SHANK2: variants seen among roughly 807,000 people sequenced by gnomAD.
SHANK2 encodes SH3 and multiple ankyrin repeat domains protein 2.
SHANK2 carries 43 observed loss-of-function variants against 133.7 expected under a neutral mutation model. The ratio of observed to expected loss-of-function variants is 0.32; its 90% CI spans 0.25 to 0.41. The LOEUF is 0.41. Ranked by LOEUF, SHANK2 falls within the 10% of genes least tolerant of loss-of-function variation. The probability of loss-of-function intolerance (pLI) is 1.00; values close to 1 mark genes in which losing one functional copy is unlikely to be tolerated. For missense variants in SHANK2, 1,994 were observed against 2,235.8 expected, an observed-to-expected ratio of 0.89 and a Z score of 2.18; for synonymous variants, 1,017 against 952.8, an observed-to-expected ratio of 1.07 and a Z score of -1.24.
chr11:70,805,179 T>C (rs1430382373), intron 13 of SHANK2, among the ~76,000 whole-genome samples: 1 of 152,014 alleles, frequency 6.6e-6, no homozygotes, highest in Admixed American at 6.5e-5. Context: ...ACCCCAGCCT[T>C]CTCCTTGGGC....
At chr11:70,528,410 G>A (rs1229415711) in intron 17 of SHANK2, among the ~76,000 whole-genome samples, 1 of 152,196 alleles carries the variant, frequency 6.6e-6, no homozygotes, top group African/African-American at 2.4e-5. Flanking sequence ...TGGGACCCTG[G>A]AAAGGGGCTC....
intron 17 of SHANK2, among the ~76,000 whole-genome samples, chr11:70,531,860 T>C (rs1047786837): frequency 6.6e-6 from 1 of 152,110 alleles, no homozygotes; most frequent in African/African-American, 2.4e-5. Context: ...ATACATTTCT[T>C]TCCTGCCTCG....
chr11:70,737,638 A>G (rs929919481), intron 14 of SHANK2, among the ~76,000 whole-genome samples: 1 of 152,166 alleles, frequency 6.6e-6, no homozygotes, highest in Non-Finnish European at 1.5e-5. Flanking sequence ...GACCCTCTAG[A>G]GAGGGCAGCC....
rs1555034177 is a variant in SHANK2, at chr11:70,739,018, ATT to A, written c.1778-40257_1778-40256del. 6.6e-6 allele frequency among the ~76,000 whole-genome samples: 1 copy of A among 152,134 alleles called. No individual in the cohort carries two copies. Among genetic ancestry groups the A allele is most frequent in the African/African-American group, 2.4e-5 (1 of 41,430 alleles). ...CTGTGGTGTTCAGACACCCCTCTGG[ATT>A]CAGTGAGTAGGGCTGGTGAGTTTCT... On this transcript the variant is annotated intron_variant, in intron 14 of 25. Transcript: ENST00000601538. The surrounding 1 kb of genome is among the most constrained non-coding windows in gnomAD (Gnocchi z 4.3).
chr11:70,932,216 G>A (rs1282242371), intron 10 of SHANK2, among the ~76,000 whole-genome samples: 4 of 152,356 alleles, frequency 2.6e-5, no homozygotes, highest in Admixed American at 2.0e-4. Context: ...CTGAACAGCC[G>A]AAACAAAGTT....
intron 1 of SHANK2, among the ~76,000 whole-genome samples, chr11:71,229,863 T>C (rs1954712549): frequency 6.6e-6 from 1 of 151,082 alleles, no homozygotes; most frequent in South Asian, 2.1e-4. Context: ...GCAACACTGA[T>C]GAAAACAAAT....
At chr11:71,070,565 A>G (rs1414688542) in intron 9 of SHANK2, among the ~76,000 whole-genome samples, 1 of 151,688 alleles carries the variant, frequency 6.6e-6, no homozygotes, top group African/African-American at 2.4e-5. Context: ...AAGCCACTCA[A>G]TCCTGGGGAG....
intron 17 of SHANK2, among the ~76,000 whole-genome samples, chr11:70,611,502 C>T (rs782208953): frequency 6.6e-6 from 1 of 152,254 alleles, no homozygotes; most frequent in Non-Finnish European, 1.5e-5. Flanking sequence ...CCACGACCCA[C>T]GTCCTATCCT....
At chr11:71,064,980 C>A (rs1235052429) in intron 9 of SHANK2, among the ~76,000 whole-genome samples, 1 of 152,082 alleles carries the variant, frequency 6.6e-6, no homozygotes, top group Non-Finnish European at 1.5e-5. Context: ...ACAGGCCCGC[C>A]GGAGGTCACC....
chr11:71,088,039 T>A (rs1040026442), intron 8 of SHANK2, among the ~76,000 whole-genome samples: 1 of 152,208 alleles, frequency 6.6e-6, no homozygotes, highest in African/African-American at 2.4e-5. Flanking sequence ...CCTGTCTTCA[T>A]GAAGTCAGTG....
At position 70,479,021 on chromosome 11, in the gene SHANK2, G is replaced by A. The variant is rs2058699633; in HGVS notation, c.4980-5582C>T. On this transcript the variant is annotated intron_variant, in intron 25 of 25. Coordinates refer to ENST00000601538, the MANE Select transcript of SHANK2 (RefSeq NM_012309.5). This position sits in a 1 kb window ranked among gnomAD's most constrained non-coding sequence, Gnocchi z 4.4. ...CCAAAAGGGCCTCATGTCCAAAATG[G>A]GGAGGAAGATTCTGACTTGAGATTT... is the stretch of plus-strand genomic sequence containing the variant. Among the ~76,000 whole-genome samples the A allele has an allele frequency of 6.6e-6, 1 of 152,198 alleles. No homozygotes were observed. Among genetic ancestry groups the A allele is most frequent in the Admixed American group, 6.5e-5 (1 of 15,278 alleles).
intron 17 of SHANK2, among the ~76,000 whole-genome samples, chr11:70,543,583 A>T (rs547844748): frequency 1.3e-5 from 2 of 152,332 alleles, no homozygotes; most frequent in African/African-American, 4.8e-5. Flanking sequence ...TGGGCAGGGC[A>T]TCAAAGCTGC....
At chr11:70,907,990 A>G (rs1555078288) in intron 10 of SHANK2, 3 of 438,236 alleles carry the variant, frequency 6.8e-6, no homozygotes, top group Non-Finnish European at 1.4e-5. Flanking sequence ...AATCCCAGCT[A>G]CTTGGGAGGC....
chr11:71,157,091 T>A (rs1640838476), intron 2 of SHANK2, among the ~76,000 whole-genome samples: 1 of 152,162 alleles, frequency 6.6e-6, no homozygotes, highest in South Asian at 2.1e-4. Context: ...GTTGTGCACA[T>A]GTACCCTAGA....
At chr11:71,161,111 G>A (rs1555109856) in intron 2 of SHANK2, among the ~76,000 whole-genome samples, 1 of 152,188 alleles carries the variant, frequency 6.6e-6, no homozygotes, top group Non-Finnish European at 1.5e-5. Context: ...GATGGGAAGT[G>A]GGGATTGAAC....
chr11:70,642,086 C>T (rs1555006570), intron 17 of SHANK2, among the ~76,000 whole-genome samples: 1 of 152,222 alleles, frequency 6.6e-6, no homozygotes, highest in East Asian at 1.9e-4. Flanking sequence ...GCTGGGGTCA[C>T]TGGCATTCCC....
chr11:71,096,267 AG>A (rs1371400917), intron 6 of SHANK2, among the ~76,000 whole-genome samples: 1 of 152,248 alleles, frequency 6.6e-6, no homozygotes, highest in East Asian at 1.9e-4. Context: ...AAGGGACTTC[AG>A]TGGCAGTGGG....
chr11:71,126,216 C>CAAAA lies in SHANK2; in HGVS notation c.208-7188_208-7185dup, dbSNP rs1170621448. On this transcript the variant is annotated intron_variant, in intron 3 of 25. Coordinates refer to ENST00000601538, the MANE Select transcript of SHANK2 (RefSeq NM_012309.5). ...CTGGTGACAGAGTGAGACTCCGTCTCAAAAAAAAAAAAAAAAAAAAAAAAG... is the reference window on the plus strand; with the variant it reads ...CTGGTGACAGAGTGAGACTCCGTCTCAAAAAAAAAAAAAAAAAAAAAAAAAAAAG... Among the ~76,000 whole-genome samples the CAAAA allele has an allele frequency of 1.6e-3, 103 of 64,378 alleles. 6 individuals are homozygous for CAAAA. Among genetic ancestry groups the CAAAA allele is most frequent in the African/African-American group, 3.4e-3 (56 of 16,634 alleles). The allele number at this position is 64,378 out of a possible 152,430, so 42.2% of individuals were successfully genotyped here.
intron 2 of SHANK2, among the ~76,000 whole-genome samples, chr11:71,148,188 G>A (rs1465965150): frequency 1.1e-4 from 16 of 151,680 alleles, no homozygotes; most frequent in African/African-American, 3.4e-4. Context: ...GGGTTCAGAC[G>A]ATTCTCCTGC....
Sources: gnomAD v4.1 joint callset for allele counts (sites outside exome capture counted in the v4.1 genomes callset) on GRCh38, gnomAD v4.1.1 for gene constraint, Gnocchi (gnomAD v3.1) non-coding constraint, MANE v1.5 for transcripts, NCBI Gene and HGNC (gene_info 2026-07-23, HGNC 2026-07-21) for gene names.